KIAA1217: variants seen among roughly 807,000 people sequenced by gnomAD.
The protein encoded by KIAA1217 is KIAA1217.
A neutral mutation model predicts 163.9 loss-of-function variants in KIAA1217; 88 were observed. The ratio of observed to expected loss-of-function variants is 0.54; its 90% CI spans 0.45 to 0.64. The LOEUF is 0.64. Among genes scored for constraint, KIAA1217 ranks in the 30% least tolerant of loss-of-function variants. The probability of loss-of-function intolerance (pLI) is 0.00; values close to 1 mark genes in which losing one functional copy is unlikely to be tolerated. For synonymous variants in KIAA1217, 903 were observed against 923.1 expected, an observed-to-expected ratio of 0.98 and a Z score of 0.39; for missense variants, 2,372 against 2,475.0, an observed-to-expected ratio of 0.96 and a Z score of 0.88.
chr10:24,507,587 A>G (rs1592509912), intron 9 of KIAA1217, among the ~76,000 whole-genome samples: 3 of 152,366 alleles, frequency 2.0e-5, no homozygotes, highest in Middle Eastern at 6.8e-3. Flanking sequence ...AAACTGTTCA[A>G]ACTGAAGTAT....
At chr10:23,901,956 TA>T (rs1371496275) in intron 1 of KIAA1217, among the ~76,000 whole-genome samples, 12 of 150,724 alleles carry the variant, frequency 8.0e-5, no homozygotes, top group Non-Finnish European at 1.5e-4. Flanking sequence ...AAGAAATATT[TA>T]AAACCTAACA....
At chr10:23,704,471 T>G in intron 1 of KIAA1217, among the ~76,000 whole-genome samples, 1 of 151,892 alleles carries the variant, frequency 6.6e-6, no homozygotes, top group East Asian at 1.9e-4. Context: ...CCTTCCAGCC[T>G]GTCAGCCCCT....
At chr10:23,918,731 TATACACAC>T (rs976574686) in intron 1 of KIAA1217, among the ~76,000 whole-genome samples, 3 of 137,828 alleles carry the variant, frequency 2.2e-5, no homozygotes, top group African/African-American at 9.8e-5. Context: ...GAATTAAATA[TATACACAC>T]ACACACACAC....
intron 6 of KIAA1217, among the ~76,000 whole-genome samples, chr10:24,491,252 A>G (rs1298548445): frequency 6.7e-6 from 1 of 150,148 alleles, no homozygotes; most frequent in African/African-American, 2.5e-5. Flanking sequence ...GTTTATCCAG[A>G]ATGATTCAGG....
At chr10:24,545,556 T>C in intron 20 of KIAA1217, 1 of 1,346,518 alleles carries the variant, frequency 7.4e-7, no homozygotes, top group Non-Finnish European at 9.5e-7. Flanking sequence ...ATGGCCCACC[T>C]GGCACACAGG....
At chr10:24,120,602 T>C (rs2063244860) in intron 2 of KIAA1217, among the ~76,000 whole-genome samples, 1 of 152,224 alleles carries the variant, frequency 6.6e-6, no homozygotes, top group South Asian at 2.1e-4. Context: ...GGAGTTTTCC[T>C]ACCTCGCACA....
intron 3 of KIAA1217, among the ~76,000 whole-genome samples, chr10:24,405,967 T>C (rs1345815766): frequency 6.6e-6 from 1 of 152,254 alleles, no homozygotes; most frequent in African/African-American, 2.4e-5. Context: ...TATGAAATCA[T>C]CTCCAAACTA....
intron 2 of KIAA1217, among the ~76,000 whole-genome samples, chr10:24,294,250 C>T (rs1438619337): frequency 6.6e-6 from 1 of 150,896 alleles, no homozygotes; most frequent in Admixed American, 6.6e-5. Context: ...GACTGGCCAC[C>T]TTGGGGCTCT....
chr10:24,018,651 T>G lies in KIAA1217; in HGVS notation c.-171+11277T>G, dbSNP rs145983389. The stretch of plus-strand genomic sequence containing the variant: ...GCCATTCTAGAAAACCGTAGAGATA[T>G]TCCTCAAAAAACTAAACTTAGAACT... On this transcript the variant is annotated intron_variant, in intron 2 of 18. Transcript: ENST00000376462. Among the ~76,000 whole-genome samples, 555 of 152,028 alleles carry G rather than the reference T, an allele frequency of 3.7e-3. 2 individuals are homozygous for G. Among genetic ancestry groups the G allele is most frequent in the African/African-American group, 0.013 (534 of 41,548 alleles).
chr10:24,193,801 T>TACACACAC lies in KIAA1217; in HGVS notation c.-170-25787_-170-25780dup, dbSNP rs10562687. Among the ~76,000 whole-genome samples the TACACACAC allele has an allele frequency of 1.6e-3, 228 of 142,374 alleles. 2 individuals are homozygous for TACACACAC. Among genetic ancestry groups the TACACACAC allele is most frequent in the Admixed American group, 0.01 (147 of 14,170 alleles). The allele number at this position is 142,374 out of a possible 152,430, so 93.4% of individuals were successfully genotyped here. On this transcript the variant is annotated intron_variant, in intron 2 of 18. Transcript: ENST00000376462. ...TATGAACTCCATCTGCAGCGTTTTC[T>TACACACAC]ACACACACACACACACACACACACA...
chr10:23,738,235 T>C (rs1209161857), intron 1 of KIAA1217, among the ~76,000 whole-genome samples: 1 of 152,294 alleles, frequency 6.6e-6, no homozygotes, highest in East Asian at 1.9e-4. Context: ...TTTCTGCTCA[T>C]TAAGTTTCTC....
intron 2 of KIAA1217, among the ~76,000 whole-genome samples, chr10:24,312,861 A>G (rs996733358): frequency 2.0e-5 from 3 of 152,042 alleles, no homozygotes; most frequent in African/African-American, 7.2e-5. Flanking sequence ...GGCTGCAGGG[A>G]GCCTTGATTG....
intron 9 of KIAA1217, 93 bp from the exon 10 acceptor site, chr10:24,513,166 T>C (rs2134277336): frequency 8.6e-7 from 1 of 1,166,376 alleles, no homozygotes; most frequent in Non-Finnish European, 1.2e-6. Flanking sequence ...CGCAGGGCTG[T>C]CTACCCAAAG....
intron 1 of KIAA1217, among the ~76,000 whole-genome samples, chr10:24,002,285 A>G (rs1489558077): frequency 1.3e-5 from 2 of 152,116 alleles, no homozygotes. Flanking sequence ...GTTCTTTCCA[A>G]TTCATTCTTA....
intron 2 of KIAA1217, among the ~76,000 whole-genome samples, chr10:24,220,552 T>C (rs1428937074): frequency 1.3e-5 from 2 of 149,664 alleles, no homozygotes; most frequent in Non-Finnish European, 2.9e-5. Flanking sequence ...CCTCCCGGGT[T>C]CACACCATTC....
chr10:23,868,193 G>T (rs1840286687), intron 1 of KIAA1217, among the ~76,000 whole-genome samples: 1 of 151,970 alleles, frequency 6.6e-6, no homozygotes, highest in Admixed American at 6.6e-5. Flanking sequence ...GTTTGTCTTT[G>T]TGTTGCTTTT....
intron 2 of KIAA1217, among the ~76,000 whole-genome samples, chr10:24,167,884 G>A (rs1280327367): frequency 3.3e-5 from 5 of 152,162 alleles, no homozygotes; most frequent in Non-Finnish European, 7.3e-5. Context: ...AGTGGTGGAA[G>A]GAGCAAGTGA....
At chr10:24,499,716 A>T (rs542837241) in intron 8 of KIAA1217, among the ~76,000 whole-genome samples, 1 of 152,282 alleles carries the variant, frequency 6.6e-6, no homozygotes, top group East Asian at 1.9e-4. Flanking sequence ...TGGACAAGAC[A>T]GAGCGAGACT....
chr10:24,049,883 A>G (rs1379796757), intron 2 of KIAA1217, among the ~76,000 whole-genome samples: 1 of 152,172 alleles, frequency 6.6e-6, no homozygotes, highest in Non-Finnish European at 1.5e-5. Flanking sequence ...GAATCGCCAC[A>G]CTGTCTTCCA....
Sources: gnomAD v4.1 joint callset for allele counts (sites outside exome capture counted in the v4.1 genomes callset) on GRCh38, gnomAD v4.1.1 for gene constraint, MANE v1.5 for transcripts, NCBI Gene and HGNC (gene_info 2026-07-23, HGNC 2026-07-21) for gene names.